Variants in SMOC2 observed in about 807,000 individuals in gnomAD.
The protein encoded by SMOC2 is SPARC-related modular calcium-binding protein 2.
Under a neutral mutation model 61.4 loss-of-function variants are expected in SMOC2, and 39 were observed. The ratio of observed to expected loss-of-function variants is 0.64; its 90% CI spans 0.49 to 0.83. The LOEUF (loss-of-function observed/expected upper bound fraction) is 0.83, where lower values mean the gene tolerates loss of function less well. Among genes scored for constraint, SMOC2 ranks in the 40% least tolerant of loss-of-function variants. SMOC2 has a pLI of 0.00. For missense variants in SMOC2, 556 were observed against 592.9 expected, an observed-to-expected ratio of 0.94 and a Z score of 0.65; for synonymous variants, 247 against 239.9, an observed-to-expected ratio of 1.03 and a Z score of -0.27.
chr6:168,666,681 TGGA>T lies in SMOC2; in HGVS notation c.*245_*247del. 1 of 563,514 alleles carries T rather than the reference TGGA, an allele frequency of 1.8e-6. No homozygotes were observed. The highest frequency in any genetic ancestry group is 3.2e-6 in the Non-Finnish European group (1 of 311,902). 34.9% of individuals were successfully genotyped at this position (563,514 alleles called of 1,614,324 possible). On this transcript the variant is annotated 3_prime_UTR_variant, in exon 13 of 13. Transcript: ENST00000356284. ...TTTGACCTTGGAAATCTGTATGTGG[TGGA>T]GAAGTATTTGAATGCATTTAGGCTT...
intron 4 of SMOC2, among the ~76,000 whole-genome samples, chr6:168,541,686 G>C (rs904329188): frequency 6.6e-6 from 1 of 152,170 alleles, no homozygotes; most frequent in Admixed American, 6.5e-5. Flanking sequence ...TTTCTGTCTT[G>C]TAAAATATTT....
rs1305730190 is a variant in SMOC2 at position 168,452,360 on chromosome 6, A to C, written c.84+10906A>C. ...AGAATTTTGGTTTTAAAATAACCAG[A>C]GTAAGCAGGGGGAGTGTGAGGCGGG... On this transcript the variant is annotated intron_variant, in intron 1 of 12. Transcript: ENST00000356284. The surrounding 1 kb of genome is among the most constrained non-coding windows in gnomAD (Gnocchi z 5.0). Among the ~76,000 whole-genome samples the C allele has an allele frequency of 3.3e-5, 5 of 152,180 alleles. No individual in the cohort carries two copies. The highest frequency in any genetic ancestry group is 7.3e-5 in the Non-Finnish European group (5 of 68,034).
chr6:168,447,242 A>ATT (rs1198994112), intron 1 of SMOC2, among the ~76,000 whole-genome samples: 1 of 146,016 alleles, frequency 6.8e-6, no homozygotes. Flanking sequence ...AATTTTTTGT[A>ATT]TTTTTTTTTT....
At chr6:168,626,666 A>G (rs187767207) in intron 9 of SMOC2, among the ~76,000 whole-genome samples, 11 of 152,348 alleles carry the variant, frequency 7.2e-5, no homozygotes, top group Admixed American at 5.9e-4. Context: ...AAAGCCAAAC[A>G]TCATTTAGCA....
intron 9 of SMOC2, among the ~76,000 whole-genome samples, chr6:168,618,736 C>T (rs191562343): frequency 1.0e-3 from 152 of 152,186 alleles, no homozygotes; most frequent in Middle Eastern, 3.4e-3. Flanking sequence ...GAAGACGGTG[C>T]GCTCAGGACA....
intron 11 of SMOC2, among the ~76,000 whole-genome samples, chr6:168,657,987 C>CT (rs1213712558): frequency 6.6e-6 from 1 of 152,190 alleles, no homozygotes; most frequent in Non-Finnish European, 1.5e-5. Flanking sequence ...ACTTCCTGTG[C>CT]TTTTTCTCTT....
intron 9 of SMOC2, among the ~76,000 whole-genome samples, chr6:168,650,353 G>A (rs80113064): frequency 0.05 from 7,581 of 152,202 alleles, 465 homozygotes; most frequent in African/African-American, 0.14. Flanking sequence ...CGTATGTCCC[G>A]TGTCCCTAAG....
intron 1 of SMOC2, among the ~76,000 whole-genome samples, chr6:168,474,763 C>T (rs988916825): frequency 2.0e-5 from 3 of 152,072 alleles, no homozygotes; most frequent in Non-Finnish European, 4.4e-5. Flanking sequence ...GGGTAGGACA[C>T]GACAGTTATT....
At chr6:168,586,279 A>G (rs1450864410) in intron 7 of SMOC2, among the ~76,000 whole-genome samples, 1 of 152,204 alleles carries the variant, frequency 6.6e-6, no homozygotes, top group South Asian at 2.1e-4. Flanking sequence ...GCCTCATCAA[A>G]TATCAATTGA....
At chr6:168,595,242 G>T (rs1404299232) in intron 7 of SMOC2, among the ~76,000 whole-genome samples, 3 of 114,178 alleles carry the variant, frequency 2.6e-5, no homozygotes, top group African/African-American at 3.1e-5. Flanking sequence ...CCTTCCTGAG[G>T]CCTCACGGGC....
At chr6:168,646,161 T>C (rs1787023537) in intron 9 of SMOC2, among the ~76,000 whole-genome samples, 2 of 152,244 alleles carry the variant, frequency 1.3e-5, no homozygotes, top group Admixed American at 1.3e-4. Context: ...AGACACTTCA[T>C]GCCTGATGAG....
intron 1 of SMOC2, among the ~76,000 whole-genome samples, chr6:168,490,663 C>T (rs933070520): frequency 1.3e-5 from 2 of 152,188 alleles, no homozygotes; most frequent in Admixed American, 6.5e-5. Context: ...CATGTGGACA[C>T]CTTGGGTGTT....
intron 4 of SMOC2, among the ~76,000 whole-genome samples, chr6:168,531,400 G>A (rs1004879812): frequency 2.6e-5 from 4 of 152,220 alleles, no homozygotes; most frequent in Admixed American, 6.5e-5. Flanking sequence ...AAGCGGTAAC[G>A]CAGGCTGAAT....
At position 168,452,344 on chromosome 6, in the gene SMOC2, G is replaced by C. The variant is rs2114994556; in HGVS notation, c.84+10890G>C. ...ATCATGTTATTGAAGCAGAATTTTG[G>C]TTTTAAAATAACCAGAGTAAGCAGG... On this transcript the variant is annotated intron_variant, in intron 1 of 12. Coordinates refer to ENST00000356284, the MANE Select transcript of SMOC2 (RefSeq NM_001166412.2). The surrounding 1 kb of genome is among the most constrained non-coding windows in gnomAD (Gnocchi z 5.0). 6.6e-6 allele frequency among the ~76,000 whole-genome samples: 1 copy of C among 152,274 alleles called. No homozygotes were observed. Among genetic ancestry groups the C allele is most frequent in the Non-Finnish European group, 1.5e-5 (1 of 68,016 alleles).
chr6:168,518,561 G>C (rs1041409526), intron 2 of SMOC2, among the ~76,000 whole-genome samples: 3 of 151,138 alleles, frequency 2.0e-5, no homozygotes, highest in Admixed American at 1.3e-4. Flanking sequence ...TTGTGTGAGT[G>C]CATGTATGTG....
At chr6:168,603,802 A>C (rs1266097470) in intron 8 of SMOC2, among the ~76,000 whole-genome samples, 1 of 152,176 alleles carries the variant, frequency 6.6e-6, no homozygotes, top group Non-Finnish European at 1.5e-5. Context: ...AAATGCCGAC[A>C]TCAGAGTCAA....
intron 5 of SMOC2, among the ~76,000 whole-genome samples, chr6:168,546,848 G>A (rs1784015358): frequency 6.6e-6 from 1 of 152,136 alleles, no homozygotes; most frequent in Non-Finnish European, 1.5e-5. Flanking sequence ...CCTGTGATTG[G>A]CTCTGATAGT....
At position 168,665,546 on chromosome 6, in the gene SMOC2, T is replaced by A. The variant is rs370221068; in HGVS notation, c.1324-875T>A. On this transcript the variant is annotated intron_variant, in intron 12 of 12. Coordinates refer to ENST00000356284, the MANE Select transcript of SMOC2 (RefSeq NM_001166412.2). ...GAAGGTGCATGATGCTAATGTGGAA[T>A]CCAGAGGAGCTCTTTCCTGATCTCT... Among the ~76,000 whole-genome samples the A allele has an allele frequency of 4.6e-5, 7 of 152,374 alleles. No homozygotes were observed. The East Asian group carries it at 1.4e-3, about 29-fold the overall frequency.
intron 7 of SMOC2, among the ~76,000 whole-genome samples, chr6:168,573,187 C>T (rs9456207): frequency 2.1e-3 from 11 of 5,180 alleles, no homozygotes; most frequent in African/African-American, 3.6e-3. Context: ...CCCCGGGTGC[C>T]GGGACCAGGG....
Sources: allele counts gnomAD v4.1 joint callset (sites outside exome capture counted in the v4.1 genomes callset), GRCh38; gene constraint gnomAD v4.1.1; non-coding constraint Gnocchi (gnomAD v3.1); transcripts MANE v1.5; gene names NCBI Gene and HGNC (gene_info 2026-07-23, HGNC 2026-07-21).